SOX5: variants seen among roughly 807,000 people sequenced by gnomAD.
The protein encoded by SOX5 is transcription factor SOX-5.
SOX5 carries 9 observed loss-of-function variants against 92.0 expected under a neutral mutation model. That is an observed-to-expected ratio of 0.10 (90% CI 0.06 to 0.17). The LOEUF is 0.17. Ranked by LOEUF, SOX5 falls within the 10% of genes least tolerant of loss-of-function variation. The pLI, the probability that SOX5 is intolerant of heterozygous loss-of-function variation, is 1.00. For missense variants in SOX5, 642 were observed against 944.5 expected, an observed-to-expected ratio of 0.68 and a Z score of 4.20; for synonymous variants, 344 against 336.3, an observed-to-expected ratio of 1.02 and a Z score of -0.25.
intron 4 of SOX5, among the ~76,000 whole-genome samples, chr12:23,983,100 A>G (rs1271143373): frequency 8.1e-6 from 1 of 123,500 alleles, no homozygotes; most frequent in African/African-American, 2.9e-5. Context: ...TGGGATCTGG[A>G]GTCCATTTTT....
chr12:24,408,443 C>A (rs1324263483), intron 1 of SOX5, among the ~76,000 whole-genome samples: 1 of 152,182 alleles, frequency 6.6e-6, no homozygotes, highest in Non-Finnish European at 1.5e-5. Flanking sequence ...TACATTGTCA[C>A]AACCACGATA....
intron 1 of SOX5, among the ~76,000 whole-genome samples, chr12:24,543,482 T>C (rs1183325429): frequency 1.3e-5 from 2 of 152,104 alleles, no homozygotes; most frequent in African/African-American, 4.8e-5. Flanking sequence ...ACATCAGGAG[T>C]TCCAGACCAG....
At chr12:23,587,749 A>T (rs1443252120) in intron 9 of SOX5, among the ~76,000 whole-genome samples, 1 of 152,120 alleles carries the variant, frequency 6.6e-6, no homozygotes, top group Non-Finnish European at 1.5e-5. Context: ...ATATAGACCT[A>T]TTTGCCTTCA....
intron 8 of SOX5, among the ~76,000 whole-genome samples, chr12:23,626,861 GT>G (rs1302889637): frequency 1.3e-5 from 2 of 152,014 alleles, no homozygotes; most frequent in Admixed American, 6.6e-5. Context: ...AGAGGTTGCA[GT>G]TTTTTTGTGT....
intron 4 of SOX5, among the ~76,000 whole-genome samples, chr12:23,973,196 C>T (rs976291672): frequency 2.3e-5 from 3 of 131,126 alleles, no homozygotes; most frequent in Non-Finnish European, 4.7e-5. Context: ...AATTCTCACT[C>T]TATTGCCCAG....
intron 2 of SOX5, among the ~76,000 whole-genome samples, chr12:24,365,474 T>C (rs899722645): frequency 1.3e-5 from 2 of 151,994 alleles, no homozygotes; most frequent in African/African-American, 4.8e-5. Context: ...ATTTAGAAAG[T>C]ACCCATGTTT....
intron 1 of SOX5, among the ~76,000 whole-genome samples, chr12:24,371,232 C>G (rs981831856): frequency 6.6e-6 from 1 of 152,192 alleles, no homozygotes; most frequent in Non-Finnish European, 1.5e-5. Flanking sequence ...CCTCTAGGGC[C>G]TACGGACAAG....
intron 4 of SOX5, among the ~76,000 whole-genome samples, chr12:24,005,491 C>G (rs1018541929): frequency 1.3e-5 from 2 of 152,142 alleles, no homozygotes; most frequent in African/African-American, 2.4e-5. Flanking sequence ...CTACAATTCT[C>G]TCTGTCTGGC....
intron 1 of SOX5, among the ~76,000 whole-genome samples, chr12:24,412,153 G>A (rs976694570): frequency 2.0e-5 from 3 of 151,946 alleles, no homozygotes; most frequent in Non-Finnish European, 4.4e-5. Flanking sequence ...AAATCGTATC[G>A]ATTACTGATA....
At chr12:23,709,038 T>G (rs553972995) in intron 6 of SOX5, among the ~76,000 whole-genome samples, 1 of 152,292 alleles carries the variant, frequency 6.6e-6, no homozygotes, top group East Asian at 1.9e-4. Context: ...TGCTCAGAAC[T>G]ATTTGCCACA....
chr12:24,559,122 C>A (rs768887232), intron 1 of SOX5, among the ~76,000 whole-genome samples: 12 of 152,172 alleles, frequency 7.9e-5, no homozygotes, highest in Admixed American at 2.0e-4. Flanking sequence ...AATCTAAGTT[C>A]AGGATATAGT....
chr12:24,109,352 T>C (rs956061783), intron 4 of SOX5, among the ~76,000 whole-genome samples: 2 of 152,190 alleles, frequency 1.3e-5, no homozygotes, highest in Non-Finnish European at 2.9e-5. Context: ...CTTTAAATAG[T>C]GTTTTGAAAA....
At chr12:24,258,564 G>C (rs1454840701) in intron 3 of SOX5, among the ~76,000 whole-genome samples, 1 of 152,132 alleles carries the variant, frequency 6.6e-6, no homozygotes, top group Non-Finnish European at 1.5e-5. Flanking sequence ...AATCACTCCT[G>C]TAGAAAAGCT....
At chr12:24,385,926 C>CAAAAAAAAAAAAAAAAAAAAAAAAA (rs35813329) in intron 1 of SOX5, among the ~76,000 whole-genome samples, 2 of 73,388 alleles carry the variant, frequency 2.7e-5, no homozygotes, top group African/African-American at 6.0e-5. Context: ...GACCTTGTCA[C>CAAAAAAAAAAAAAAAAAAAAAAAAA]AAAAAAAAAA....
chr12:23,663,847 TAA>T (rs1430262711), intron 7 of SOX5, among the ~76,000 whole-genome samples: 2 of 152,014 alleles, frequency 1.3e-5, no homozygotes, highest in Non-Finnish European at 2.9e-5. Context: ...ATTTAATTAT[TAA>T]AAAAAGTTGG....
At chr12:24,136,789 A>G (rs192979181) in intron 4 of SOX5, among the ~76,000 whole-genome samples, 134 of 152,370 alleles carry the variant, frequency 8.8e-4, no homozygotes, top group Middle Eastern at 3.4e-3. Flanking sequence ...TTCGACTCCA[A>G]AAGTTGAATT....
intron 4 of SOX5, among the ~76,000 whole-genome samples, chr12:24,151,779 T>C (rs950694241): frequency 6.6e-6 from 1 of 152,076 alleles, no homozygotes; most frequent in Admixed American, 6.6e-5. Flanking sequence ...GCAGTTCTTT[T>C]TAATTAGGAC....
intron 4 of SOX5, among the ~76,000 whole-genome samples, chr12:24,010,212 A>C (rs1952756481): frequency 6.6e-6 from 1 of 152,210 alleles, no homozygotes; most frequent in East Asian, 1.9e-4. Flanking sequence ...AGATAAGCTT[A>C]TTAATTTTTG....
chr12:24,372,655 T>A (rs1042894351), intron 1 of SOX5, among the ~76,000 whole-genome samples: 4 of 152,164 alleles, frequency 2.6e-5, no homozygotes, highest in African/African-American at 4.8e-5. Flanking sequence ...AGTAATGGGA[T>A]TGCTGGGTCA....
Sources: gnomAD v4.1 joint callset for allele counts (sites outside exome capture counted in the v4.1 genomes callset) on GRCh38, gnomAD v4.1.1 for gene constraint, MANE v1.5 for transcripts, NCBI Gene and HGNC (gene_info 2026-07-23, HGNC 2026-07-21) for gene names.